SIGLEC5: variants seen among roughly 807,000 people sequenced by gnomAD.
SIGLEC5 encodes the protein sialic acid binding Ig like lectin 5, also known as sialic acid-binding Ig-like lectin 5.
A neutral mutation model predicts 45.9 loss-of-function variants in SIGLEC5; 34 were observed. The ratio of observed to expected loss-of-function variants is 0.74; its 90% CI spans 0.56 to 0.99. SIGLEC5 has a LOEUF of 0.99. Among genes scored for constraint, SIGLEC5 ranks in the 50% least tolerant of loss-of-function variants. The pLI, the probability that SIGLEC5 is intolerant of heterozygous loss-of-function variation, is 0.00. For missense variants in SIGLEC5, 508 were observed against 629.6 expected, an observed-to-expected ratio of 0.81 and a Z score of 2.07; for synonymous variants, 203 against 258.6, an observed-to-expected ratio of 0.79 and a Z score of 2.06.
Position 51,612,367 on chromosome 19 carries a change from C to T in SIGLEC5, c.1520G>A (p.Gly507Glu), listed in dbSNP as rs1600097271. ...TTGTTCTTCCAAGGGAGGGGCATCC[C>T]CAGGAGGAGATGCTTGATCTCCGGG... ...DSPGDQASPPGDAPPLEEQKE... is the reference protein window; with the variant it reads ...DSPGDQASPPEDAPPLEEQKE... The change falls in exon 9 of 9, where the codon GGG becomes GAG. Residue 507 changes from glycine (G) to glutamate (E), a missense_variant. Coordinates refer to ENST00000683636, the MANE Select transcript of SIGLEC5 (RefSeq NM_003830.4). 2.5e-6 allele frequency: 4 copies of T among 1,613,324 alleles called. No individual in the cohort carries two copies. The East Asian group carries it at 8.9e-5, about 36-fold the overall frequency.
At position 51,627,958 on chromosome 19, in the gene SIGLEC5, G is replaced by A; in HGVS notation, c.873C>T (p.Thr291=). 6.2e-7 allele frequency: 1 copy of A among 1,614,072 alleles called. No individual in the cohort carries two copies. The change falls in exon 5 of 9, where the codon ACC becomes ACT. Residue 291 remains threonine, a synonymous_variant. Coordinates refer to ENST00000683636, the MANE Select transcript of SIGLEC5 (RefSeq NM_003830.4). The part of the protein sequence containing the change: ...WFQGSPALNA[T]PISNTGILEL... ...CCAAGATCCCGGTATTGGAGATGGGGGTGGCGTTCAGGGCAGGGGAGCCCT... is the reference window on the plus strand; with the variant it reads ...CCAAGATCCCGGTATTGGAGATGGGAGTGGCGTTCAGGGCAGGGGAGCCCT...
At chr19:51,616,725 G>A (rs1177820124) in intron 8 of SIGLEC5, among the ~76,000 whole-genome samples, 2 of 151,586 alleles carry the variant, frequency 1.3e-5, no homozygotes, top group Admixed American at 6.6e-5. Context: ...CAGCTTGGCC[G>A]ACATGGCAAA....
chr19:51,622,435 G>A (rs1432330486), intron 8 of SIGLEC5, among the ~76,000 whole-genome samples: 2 of 150,660 alleles, frequency 1.3e-5, no homozygotes, highest in African/African-American at 2.4e-5. Context: ...CACCGCGCCC[G>A]GCCTTGACAA....
chr19:51,612,401 G>T lies in SIGLEC5; in HGVS notation c.1486C>A (p.Pro496Thr). 5 of 1,611,046 alleles carry T rather than the reference G, an allele frequency of 3.1e-6. No individual in the cohort carries two copies. Among genetic ancestry groups the T allele is most frequent in the Non-Finnish European group, 4.2e-6 (5 of 1,178,766 alleles). Residue 496 changes from proline (P) to threonine (T), a missense_variant, in exon 9 of 9, where the codon CCA becomes ACA. Physicochemically the swap from Pro to Thr is conservative, Grantham distance 38 (BLOSUM62 -1). This residue lies in a region of SIGLEC5 where 431 missense variants were observed against 428.8 expected (regional missense o/e 1.01). Coordinates refer to ENST00000683636, the MANE Select transcript of SIGLEC5 (RefSeq NM_003830.4). Reference sequence around the variant, plus strand: ...GATGCTTGATCTCCGGGGCTGTCTGGCCAGGGCTTCTTCCTGGAACCCTGA... The same window carrying T: ...GATGCTTGATCTCCGGGGCTGTCTGTCCAGGGCTTCTTCCTGGAACCCTGA... ...ITSGSRKKPW[P>T]DSPGDQASPP... is the part of the protein sequence containing the mutation.
At position 51,626,633 on chromosome 19, in the gene SIGLEC5, C is replaced by G. The variant is rs1390684928; in HGVS notation, c.1382+516G>C. Among the ~76,000 whole-genome samples, 6 of 152,130 alleles carry G rather than the reference C, an allele frequency of 3.9e-5. No homozygotes were observed. In the South Asian group the frequency reaches 1.0e-3, roughly 26 times the overall value. The stretch of plus-strand genomic sequence containing the variant: ...TTCAGGACAGACAAATCCACAGAGA[C>G]ATGGAATAGGTTAGGGCTGGGGGAA... On this transcript the variant is annotated intron_variant, in intron 7 of 8. Coordinates refer to ENST00000683636, the MANE Select transcript of SIGLEC5 (RefSeq NM_003830.4).
At chr19:51,615,221 C>G (rs1379818051) in intron 8 of SIGLEC5, among the ~76,000 whole-genome samples, 2 of 152,164 alleles carry the variant, frequency 1.3e-5, no homozygotes, top group African/African-American at 4.8e-5. Context: ...AATGATGGAA[C>G]TAAAGATGGA....
chr19:51,626,787 A>G (rs1983497624), intron 7 of SIGLEC5, among the ~76,000 whole-genome samples: 1 of 152,230 alleles, frequency 6.6e-6, no homozygotes, highest in Non-Finnish European at 1.5e-5. Context: ...ACTTAAAGCC[A>G]TTGACTCGTA....
rs768695420 is a variant in SIGLEC5 at position 51,612,185 on chromosome 19, G to A, written c.*46C>T. 1 of 1,484,788 alleles carries A rather than the reference G, an allele frequency of 6.7e-7. No individual in the cohort carries two copies. The highest frequency in any genetic ancestry group is 9.1e-7 in the Non-Finnish European group (1 of 1,101,894). The allele number at this position is 1,484,788 out of a possible 1,614,324, so 92.0% of individuals were successfully genotyped here. The stretch of plus-strand genomic sequence containing the variant: ...GGTCCCTGACTTGTCCTTTCCCCCA[G>A]ACAGGCTGTGGCTCCTCCAGCCAGG... On this transcript the variant is annotated 3_prime_UTR_variant, in exon 9 of 9. Coordinates refer to ENST00000683636, the MANE Select transcript of SIGLEC5 (RefSeq NM_003830.4).
chr19:51,619,653 C>T (rs1305108869), intron 8 of SIGLEC5, among the ~76,000 whole-genome samples: 1 of 152,056 alleles, frequency 6.6e-6, no homozygotes, highest in Non-Finnish European at 1.5e-5. Flanking sequence ...TAATACATAT[C>T]AAAATTTGTG....
In SIGLEC5 at chr19:51,629,081, GATAAAAAGAT is replaced by G. The variant is rs760945318; in HGVS notation, c.701-15_701-6del. The G allele has an allele frequency of 2.5e-5, 40 of 1,613,762 alleles. No homozygotes were observed. The highest frequency in any genetic ancestry group is 3.4e-5 in the Non-Finnish European group (40 of 1,179,826). On this transcript the variant is annotated splice_region_variant and splice_polypyrimidine_tract_variant and intron_variant, in intron 3 of 8. Coordinates refer to ENST00000683636, the MANE Select transcript of SIGLEC5 (RefSeq NM_003830.4). ...TGGTGATGGTCTGTGGAGCATCTGG[GATAAAAAGAT>G]ATAAACTTGGCTTCAGCAGTGAGGA...
chr19:51,629,096 A>G lies in SIGLEC5; in HGVS notation c.701-20T>C. ...GAGCATCTGGGATAAAAAGATATAAACTTGGCTTCAGCAGTGAGGAGTGAG... is the reference window on the plus strand; with the variant it reads ...GAGCATCTGGGATAAAAAGATATAAGCTTGGCTTCAGCAGTGAGGAGTGAG... On this transcript the variant is annotated intron_variant, in intron 3 of 8. Coordinates refer to ENST00000683636, the MANE Select transcript of SIGLEC5 (RefSeq NM_003830.4). The G allele has an allele frequency of 1.9e-6, 3 of 1,613,370 alleles. No homozygotes were observed. The highest frequency in any genetic ancestry group is 2.5e-6 in the Non-Finnish European group (3 of 1,179,594).
Position 51,627,120 on chromosome 19 carries a change from C to A in SIGLEC5, c.1382+29G>T, listed in dbSNP as rs370649249. On this transcript the variant is annotated intron_variant, in intron 7 of 8. Transcript: ENST00000683636. ...CTCTCCTACTCCCTACAAACACCAC[C>A]CTGTACCTTCCCTGGGACCAAGACT... is the stretch of plus-strand genomic sequence containing the variant. 5.1e-6 allele frequency: 8 copies of A among 1,571,500 alleles called. No individual in the cohort carries two copies. In the Middle Eastern group the frequency reaches 5.0e-4, roughly 98 times the overall value.
chr19:51,622,421 G>A (rs918050745), intron 8 of SIGLEC5, among the ~76,000 whole-genome samples: 2 of 151,108 alleles, frequency 1.3e-5, no homozygotes, highest in African/African-American at 4.9e-5. Flanking sequence ...TTACAGGCGT[G>A]AGCCACCGCG....
At chr19:51,628,652 G>A (rs1255938876) in intron 4 of SIGLEC5, among the ~76,000 whole-genome samples, 1 of 150,466 alleles carries the variant, frequency 6.6e-6, no homozygotes, top group Admixed American at 6.6e-5. Flanking sequence ...TGTGTGTGTG[G>A]TGTATGTGCA....
chr19:51,627,439 C>A lies in SIGLEC5; in HGVS notation c.1282+23G>T, dbSNP rs531006998. On this transcript the variant is annotated intron_variant, in intron 6 of 8. Coordinates refer to ENST00000683636, the MANE Select transcript of SIGLEC5 (RefSeq NM_003830.4). ...CCATGCCCCTCCCCTCAGGCCCCTG[C>A]CCTCTGCAATACGCCCCCTGACCTT... 3.5e-5 allele frequency: 56 copies of A among 1,599,214 alleles called. No homozygotes were observed. The South Asian group carries it at 5.1e-4, about 14-fold the overall frequency.
At chr19:51,615,343 G>T (rs1983014077) in intron 8 of SIGLEC5, among the ~76,000 whole-genome samples, 1 of 152,188 alleles carries the variant, frequency 6.6e-6, no homozygotes, top group Non-Finnish European at 1.5e-5. Flanking sequence ...GAACTGGGCG[G>T]GGGGACAGCT....
Position 51,611,750 on chromosome 19 carries a change from G to A in SIGLEC5, c.*481C>T, listed in dbSNP as rs1350592439. 6.6e-6 allele frequency among the ~76,000 whole-genome samples: 1 copy of A among 152,182 alleles called. No homozygotes were observed. The highest frequency in any genetic ancestry group is 1.5e-5 in the Non-Finnish European group (1 of 68,012). ...AACCAAGTGCCAGGCTGAGGGGCTG[G>A]TCTTTCCTAGGGAGTCTTCGAAGAG... On this transcript the variant is annotated 3_prime_UTR_variant, in exon 9 of 9. Transcript: ENST00000683636.
At chr19:51,615,780 A>G (rs1239455701) in intron 8 of SIGLEC5, among the ~76,000 whole-genome samples, 2 of 152,018 alleles carry the variant, frequency 1.3e-5, no homozygotes, top group African/African-American at 2.4e-5. Context: ...TGTCCCAGTC[A>G]TTTCTCTTTT....
At chr19:51,615,550 G>A (rs1380485952) in intron 8 of SIGLEC5, among the ~76,000 whole-genome samples, 3 of 152,320 alleles carry the variant, frequency 2.0e-5, no homozygotes, top group East Asian at 1.9e-4. Context: ...GAAGGAGAAC[G>A]GAGGTGGAAG....
Sources: allele counts gnomAD v4.1 joint callset (sites outside exome capture counted in the v4.1 genomes callset), GRCh38; gene constraint gnomAD v4.1.1; regional missense constraint gnomAD v4.1.1; transcripts MANE v1.5; gene names NCBI Gene and HGNC (gene_info 2026-07-23, HGNC 2026-07-21).